The following APBB2 variants were observed in gnomAD, a reference collection of about 807,000 sequenced individuals.
APBB2 encodes Fe65-like 1.
A neutral mutation model predicts 82.5 loss-of-function variants in APBB2; 38 were observed. That is an observed-to-expected ratio of 0.46 (90% CI 0.36 to 0.60). The LOEUF is 0.60. Among genes scored for constraint, APBB2 ranks in the 20% least tolerant of loss-of-function variants. APBB2 has a pLI of 0.00. For missense variants in APBB2, 772 were observed against 972.3 expected, an observed-to-expected ratio of 0.79 and a Z score of 2.74; for synonymous variants, 341 against 368.2, an observed-to-expected ratio of 0.93 and a Z score of 0.85.
chr4:41,179,572 C>G (rs991359037), intron 1 of APBB2, among the ~76,000 whole-genome samples: 2 of 152,180 alleles, frequency 1.3e-5, no homozygotes, highest in African/African-American at 4.8e-5. Flanking sequence ...TTGGGAATCT[C>G]ACGCTTCTAG....
intron 10 of APBB2, among the ~76,000 whole-genome samples, chr4:40,915,290 G>A (rs182339615): frequency 1.1e-4 from 16 of 151,936 alleles, no homozygotes; most frequent in African/African-American, 2.7e-4. Context: ...CCTGGCACTC[G>A]CTCACACTCT....
At chr4:41,001,877 CA>C (rs548069823) in intron 6 of APBB2, among the ~76,000 whole-genome samples, 9,108 of 117,674 alleles carry the variant, frequency 0.077, 885 homozygotes, top group African/African-American at 0.24. Flanking sequence ...GACTCCGCCT[CA>C]AAAAAAAAAA....
chr4:41,099,749 A>T (rs1361427466), intron 3 of APBB2, among the ~76,000 whole-genome samples: 1 of 152,182 alleles, frequency 6.6e-6, no homozygotes, highest in African/African-American at 2.4e-5. Context: ...AATAGAGTGG[A>T]GCTATAAGAC....
intron 6 of APBB2, among the ~76,000 whole-genome samples, chr4:40,961,879 G>A (rs2154393657): frequency 6.6e-6 from 1 of 152,170 alleles, no homozygotes; most frequent in Non-Finnish European, 1.5e-5. Flanking sequence ...TGCAGACACT[G>A]CATTGGGCTT....
At chr4:41,198,437 A>G in intron 1 of APBB2, among the ~76,000 whole-genome samples, 1 of 152,232 alleles carries the variant, frequency 6.6e-6, no homozygotes, top group African/African-American at 2.4e-5. Flanking sequence ...TTTGAAATAT[A>G]ATAGCAGCAA....
chr4:41,057,863 C>T (rs549558797), intron 4 of APBB2, among the ~76,000 whole-genome samples: 1 of 152,200 alleles, frequency 6.6e-6, no homozygotes, highest in Non-Finnish European at 1.5e-5. Flanking sequence ...GGCATTTCCT[C>T]CCCGCTCTTC....
chr4:41,018,679 G>A (rs1274643289), intron 5 of APBB2, among the ~76,000 whole-genome samples: 1 of 152,214 alleles, frequency 6.6e-6, no homozygotes. Context: ...AGACATTAAA[G>A]AAGTAATGTA....
chr4:40,913,401 C>G (rs1014514310), intron 10 of APBB2, among the ~76,000 whole-genome samples: 1 of 152,230 alleles, frequency 6.6e-6, no homozygotes, highest in African/African-American at 2.4e-5. Context: ...GTTTGGTACT[C>G]TCTACCCTAA....
At chr4:41,154,298 T>C in intron 1 of APBB2, among the ~76,000 whole-genome samples, 1 of 152,214 alleles carries the variant, frequency 6.6e-6, no homozygotes, top group East Asian at 1.9e-4. Context: ...CCTACCATTA[T>C]ACCCGCTTCT....
intron 6 of APBB2, among the ~76,000 whole-genome samples, chr4:40,994,041 G>A (rs534792060): frequency 1.1e-3 from 170 of 152,232 alleles, no homozygotes; most frequent in African/African-American, 3.9e-3. Flanking sequence ...TGTAATCCCA[G>A]CACTTTGGGA....
At position 40,946,254 on chromosome 4, in the gene APBB2, A is replaced by AAACAAAAAAAAAAAAC. The variant is rs1553875174; in HGVS notation, c.836-1182_836-1181insGTTTTTTTTTTTTGTT. Among the ~76,000 whole-genome samples the AAACAAAAAAAAAAAAC allele has an allele frequency of 1.7e-5, 2 of 114,560 alleles. 1 individual carries two copies. The highest frequency in any genetic ancestry group is 3.7e-5 in the Non-Finnish European group (2 of 54,056). 75.2% of individuals were successfully genotyped at this position (114,560 alleles called of 152,430 possible). The stretch of plus-strand genomic sequence containing the variant: ...CTCCAAAAAAAAAAAAAAAAAAAAA[A>AAACAAAAAAAAAAAAC]CATTCCCAAGGAAAGCAGATTGGAA... On this transcript the variant is annotated intron_variant, in intron 6 of 17. Transcript: ENST00000508593.
chr4:40,876,455 C>A (rs1560769829), intron 12 of APBB2, among the ~76,000 whole-genome samples: 1 of 152,188 alleles, frequency 6.6e-6, no homozygotes, highest in Non-Finnish European at 1.5e-5. Flanking sequence ...TGCAATCACA[C>A]ACTACCTTTT....
intron 12 of APBB2, among the ~76,000 whole-genome samples, chr4:40,881,595 G>A (rs1768636059): frequency 7.6e-6 from 1 of 130,786 alleles, no homozygotes; most frequent in Non-Finnish European, 1.5e-5. Flanking sequence ...ATGCAGCAGT[G>A]CAATCTTGGC....
At chr4:40,986,459 T>C (rs1800442915) in intron 6 of APBB2, among the ~76,000 whole-genome samples, 1 of 152,228 alleles carries the variant, frequency 6.6e-6, no homozygotes, top group African/African-American at 2.4e-5. Flanking sequence ...CCAAGTAGAA[T>C]CAGATTTTGT....
rs1744634857 is a variant in APBB2 at position 40,812,615 on chromosome 4, G to A, written c.*3477C>T. 1 of 56,880 alleles carries A rather than the reference G, an allele frequency of 1.8e-5. No homozygotes were observed. The highest frequency in any genetic ancestry group is 7.7e-5 in the African/African-American group (1 of 12,944). The allele number at this position is 56,880 out of a possible 1,614,324, so 3.5% of individuals were successfully genotyped here. The stretch of plus-strand genomic sequence containing the variant: ...TTAGGAAAATGCTTGTCATGTTGTG[G>A]TGAAATCTTGAGGAGTTTGTGTTGC... On this transcript the variant is annotated 3_prime_UTR_variant, in exon 18 of 18. Coordinates refer to ENST00000508593, the MANE Select transcript of APBB2 (RefSeq NM_004307.2).
chr4:40,869,297 A>G (rs1399396669), intron 12 of APBB2, among the ~76,000 whole-genome samples: 2 of 152,312 alleles, frequency 1.3e-5, no homozygotes, highest in Admixed American at 1.3e-4. Context: ...TAGGATTAAA[A>G]TGGGCTGGGC....
At chr4:40,988,275 T>C (rs1016704306) in intron 6 of APBB2, among the ~76,000 whole-genome samples, 6 of 152,204 alleles carry the variant, frequency 3.9e-5, no homozygotes, top group Admixed American at 3.9e-4. Context: ...TTTTGATGCA[T>C]ATGTACTTGA....
chr4:41,112,330 C>T (rs1247150625), intron 2 of APBB2, among the ~76,000 whole-genome samples: 1 of 152,232 alleles, frequency 6.6e-6, no homozygotes, highest in Admixed American at 6.5e-5. Flanking sequence ...TTCACTCCCA[C>T]TGCAATGCCT....
At chr4:40,918,224 C>A (rs1374204276) in intron 10 of APBB2, among the ~76,000 whole-genome samples, 1 of 149,368 alleles carries the variant, frequency 6.7e-6, no homozygotes, top group Non-Finnish European at 1.5e-5. Context: ...TAGCACATCC[C>A]CACACTGGCT....
Sources: allele counts gnomAD v4.1 joint callset (sites outside exome capture counted in the v4.1 genomes callset), GRCh38; gene constraint gnomAD v4.1.1; transcripts MANE v1.5; gene names NCBI Gene and HGNC (gene_info 2026-07-23, HGNC 2026-07-21).